The following TENM3 variants were observed in gnomAD, a reference collection of about 807,000 sequenced individuals.
TENM3 encodes the protein teneurin transmembrane protein 3.
TENM3 carries 63 observed loss-of-function variants against 255.1 expected under a neutral mutation model. That is an observed-to-expected ratio of 0.25 (90% CI 0.20 to 0.30). The LOEUF is 0.30. Among genes scored for constraint, TENM3 ranks in the 10% least tolerant of loss-of-function variants. TENM3 has a pLI of 1.00. For synonymous variants in TENM3, 1,306 were observed against 1,322.3 expected (o/e 0.99, Z 0.27); for missense variants, 2,929 against 3,461.1 (o/e 0.85, Z 3.86).
the TENM3 span, among the ~76,000 whole-genome samples, chr4:181,460,321 A>G: frequency 1.3e-5 from 2 of 151,962 alleles, no homozygotes; most frequent in Non-Finnish European, 2.9e-5. Context: ...GAAATGGAGA[A>G]AATAGACGAC....
the TENM3 span, among the ~76,000 whole-genome samples, chr4:182,074,218 G>A: frequency 1.3e-5 from 2 of 152,262 alleles, no homozygotes; most frequent in Admixed American, 1.3e-4. Context: ...AAACAGACGT[G>A]TGTCTGTACC....
the TENM3 span, among the ~76,000 whole-genome samples, chr4:181,761,505 A>G: frequency 6.6e-6 from 1 of 151,244 alleles, no homozygotes; most frequent in African/African-American, 2.4e-5. Flanking sequence ...GGCTTACTGG[A>G]AAAAAAAATA....
At chr4:182,084,970 A>T in the TENM3 span, 1 of 152,180 alleles carries the variant, frequency 6.6e-6, no homozygotes, top group African/African-American at 2.4e-5. Flanking sequence ...CGTATGACAA[A>T]ATGCAGAGAA....
the TENM3 span, among the ~76,000 whole-genome samples, chr4:182,124,530 G>A: frequency 6.6e-6 from 1 of 152,222 alleles, no homozygotes; most frequent in Non-Finnish European, 1.5e-5. Context: ...AGTGAGTCTA[G>A]AAAGATTAAG....
At chr4:181,861,300 T>C in the TENM3 span, among the ~76,000 whole-genome samples, 1 of 152,178 alleles carries the variant, frequency 6.6e-6, no homozygotes, top group Non-Finnish European at 1.5e-5. Flanking sequence ...GTCTTTTCCA[T>C]GAAAGAAGGT....
rs1383729153 is a variant in TENM3 at position 182,161,951 on chromosome 4, G to A, written c.-76+17197G>A. ...TATATACACATATATATATTTGTGTGTGTGTGTGTATATATATATATATAT... is the reference window on the plus strand; with the variant it reads ...TATATACACATATATATATTTGTGTATGTGTGTGTATATATATATATATAT... On this transcript the variant is annotated intron_variant, in intron 1 of 2. Coordinates refer to the TENM3 transcript ENST00000512480. Among the ~76,000 whole-genome samples the A allele has an allele frequency of 4.8e-4, 6 of 12,522 alleles. 1 individual carries two copies. The highest frequency in any genetic ancestry group is 1.1e-3 in the Admixed American group (1 of 914). The allele number at this position is 12,522 out of a possible 152,430, so 8.2% of individuals were successfully genotyped here.
At chr4:181,992,514 CTTG>C in the TENM3 span, among the ~76,000 whole-genome samples, 114 of 152,156 alleles carry the variant, frequency 7.5e-4, no homozygotes, top group African/African-American at 2.5e-3. Context: ...AGCTATTTAT[CTTG>C]TTGTTTCATT....
intron 3 of TENM3, among the ~76,000 whole-genome samples, chr4:182,548,463 A>T (rs1490095850): frequency 2.6e-5 from 4 of 152,174 alleles, no homozygotes; most frequent in Non-Finnish European, 4.4e-5. Context: ...ACTGAAAAGC[A>T]AGGAGTGCAC....
chr4:182,354,990 G>C (rs934812444), intron 3 of TENM3, among the ~76,000 whole-genome samples: 2 of 152,196 alleles, frequency 1.3e-5, no homozygotes, highest in African/African-American at 2.4e-5. Context: ...ATTCCCTGAC[G>C]TCTAGAAGCT....
At chr4:181,672,846 C>T in the TENM3 span, among the ~76,000 whole-genome samples, 2 of 152,100 alleles carry the variant, frequency 1.3e-5, no homozygotes, top group African/African-American at 4.8e-5. Flanking sequence ...AACTGAAGCT[C>T]AAAGAGTTAA....
chr4:181,766,464 G>A, the TENM3 span, among the ~76,000 whole-genome samples: 1 of 152,100 alleles, frequency 6.6e-6, no homozygotes, highest in Non-Finnish European at 1.5e-5. Context: ...ACTTGTTGCC[G>A]AAATAGTAAA....
At chr4:181,529,495 A>G in the TENM3 span, among the ~76,000 whole-genome samples, 1 of 152,232 alleles carries the variant, frequency 6.6e-6, no homozygotes, top group South Asian at 2.1e-4. Flanking sequence ...CTACAGGCAT[A>G]AATCCTTTCA....
the TENM3 span, among the ~76,000 whole-genome samples, chr4:181,593,090 T>C: frequency 1.3e-5 from 2 of 152,332 alleles, no homozygotes; most frequent in Non-Finnish European, 2.9e-5. Context: ...AAATCTTCCA[T>C]CAGTTGGCTT....
At chr4:182,231,711 C>A (rs1756593901) in intron 1 of TENM3, among the ~76,000 whole-genome samples, 1 of 152,170 alleles carries the variant, frequency 6.6e-6, no homozygotes, top group Non-Finnish European at 1.5e-5. Flanking sequence ...TGACTGCCAA[C>A]AACATCATGC....
intron 3 of TENM3, among the ~76,000 whole-genome samples, chr4:182,433,138 A>T (rs13116283): frequency 1.3e-5 from 2 of 151,674 alleles, no homozygotes; most frequent in African/African-American, 4.8e-5. Flanking sequence ...GTGGTGATGG[A>T]AAATATTTTG....
intron 3 of TENM3, among the ~76,000 whole-genome samples, chr4:182,457,379 A>T (rs1177361365): frequency 6.6e-6 from 1 of 152,074 alleles, no homozygotes; most frequent in Non-Finnish European, 1.5e-5. Context: ...TTACTGAAAG[A>T]TAAGCATCTG....
At chr4:182,679,611 G>A in intron 7 of TENM3, 55 bp from the exon 8 acceptor site, 2 of 1,325,868 alleles carry the variant, frequency 1.5e-6, no homozygotes, top group Non-Finnish European at 2.1e-6. Context: ...AAAAAAAAAA[G>A]AGAGAAGCAG....
At chr4:181,902,992 A>T in the TENM3 span, among the ~76,000 whole-genome samples, 4 of 152,326 alleles carry the variant, frequency 2.6e-5, no homozygotes, top group East Asian at 7.7e-4. Flanking sequence ...ATCTGTATGA[A>T]TATAACTTTT....
chr4:182,638,306 A>G (rs575002165), intron 5 of TENM3, among the ~76,000 whole-genome samples: 67 of 152,338 alleles, frequency 4.4e-4, no homozygotes, highest in African/African-American at 1.6e-3. Context: ...CTTTCCATTC[A>G]TGAGTACTCA....
Sources: allele counts gnomAD v4.1 joint callset (sites outside exome capture counted in the v4.1 genomes callset), GRCh38; gene constraint gnomAD v4.1.1; transcripts MANE v1.5; gene names NCBI Gene and HGNC (gene_info 2026-07-23, HGNC 2026-07-21).